The following PIK3C2G variants were observed in gnomAD, a reference collection of about 807,000 sequenced individuals.
PIK3C2G encodes the protein phosphatidylinositol 3-kinase C2 domain-containing subunit gamma.
A neutral mutation model predicts 181.1 loss-of-function variants in PIK3C2G; 168 were observed. That is an observed-to-expected ratio of 0.93 (90% CI 0.82 to 1.05). PIK3C2G has a LOEUF of 1.05. Ranked by LOEUF, PIK3C2G falls within the 50% of genes least tolerant of loss-of-function variation. The probability of loss-of-function intolerance (pLI) is 0.00; values close to 1 mark genes in which losing one functional copy is unlikely to be tolerated. For synonymous variants in PIK3C2G, 573 were observed against 592.2 expected (o/e 0.97, Z 0.47); for missense variants, 1,869 against 1,732.8 (o/e 1.08, Z -1.40).
intron 11 of PIK3C2G, among the ~76,000 whole-genome samples, chr12:18,351,356 T>C (rs1047563087): frequency 4.6e-5 from 7 of 152,168 alleles, no homozygotes; most frequent in Non-Finnish European, 7.3e-5. Flanking sequence ...ATTTCCTCTA[T>C]GCCATTTTGC....
chr12:18,433,674 C>A (rs1003773613), intron 18 of PIK3C2G, among the ~76,000 whole-genome samples: 2 of 152,182 alleles, frequency 1.3e-5, no homozygotes, highest in African/African-American at 4.8e-5. Context: ...AAAACCAAGA[C>A]TTTCTCAGTT....
chr12:18,464,651 C>G (rs1223586344), intron 18 of PIK3C2G, among the ~76,000 whole-genome samples: 2 of 152,070 alleles, frequency 1.3e-5, no homozygotes, highest in African/African-American at 4.8e-5. Flanking sequence ...TACACCCTTA[C>G]AAAAATATAT....
chr12:18,397,604 T>C (rs1392140740), intron 15 of PIK3C2G, among the ~76,000 whole-genome samples: 1 of 152,046 alleles, frequency 6.6e-6, no homozygotes, highest in Non-Finnish European at 1.5e-5. Context: ...ATGGATAACA[T>C]TGTAAAGACA....
chr12:18,376,058 T>A (rs139117705), intron 13 of PIK3C2G, among the ~76,000 whole-genome samples: 19 of 152,284 alleles, frequency 1.2e-4, no homozygotes, highest in Non-Finnish European at 2.5e-4. Flanking sequence ...AGAGAACCTC[T>A]AATAGAAAAG....
chr12:18,445,010 T>G (rs900977647), intron 18 of PIK3C2G, among the ~76,000 whole-genome samples: 3 of 152,034 alleles, frequency 2.0e-5, no homozygotes, highest in Non-Finnish European at 4.4e-5. Flanking sequence ...GAATTTATAG[T>G]TTTTCAAAAA....
chr12:18,640,655 T>G, intron 32 of PIK3C2G, 101 bp downstream of exon 32: 1 of 1,035,398 alleles, frequency 9.7e-7, no homozygotes, highest in Non-Finnish European at 1.4e-6. Context: ...GGCAGCATTA[T>G]TTCATAAAGG....
At chr12:18,503,645 T>C (rs544142265) in intron 23 of PIK3C2G, among the ~76,000 whole-genome samples, 2 of 152,322 alleles carry the variant, frequency 1.3e-5, no homozygotes, top group Admixed American at 6.5e-5. Flanking sequence ...ATAAAGATTT[T>C]TTTTTGCTCA....
chr12:18,401,710 TG>T (rs1944260805), intron 16 of PIK3C2G, among the ~76,000 whole-genome samples: 1 of 152,160 alleles, frequency 6.6e-6, no homozygotes, highest in South Asian at 2.1e-4. Context: ...AGGCTCTGCA[TG>T]GGCATTTCTC....
chr12:18,588,022 A>C (rs2136458182), intron 29 of PIK3C2G, among the ~76,000 whole-genome samples: 1 of 152,238 alleles, frequency 6.6e-6, no homozygotes, highest in Admixed American at 6.6e-5. Flanking sequence ...TATTCAATAC[A>C]TGCTGCTGAG....
the PIK3C2G span, among the ~76,000 whole-genome samples, chr12:18,678,059 TATAA>T: frequency 8.5e-5 from 13 of 152,130 alleles, no homozygotes; most frequent in African/African-American, 1.7e-4. Flanking sequence ...GTGGATTTGC[TATAA>T]ATATTATGCA....
intron 18 of PIK3C2G, among the ~76,000 whole-genome samples, chr12:18,480,330 G>A (rs537330322): frequency 2.0e-5 from 3 of 152,208 alleles, no homozygotes; most frequent in Non-Finnish European, 4.4e-5. Context: ...TTACACTAAA[G>A]CAGTAAGTGT....
intron 1 of PIK3C2G, among the ~76,000 whole-genome samples, chr12:18,278,433 A>G (rs940202002): frequency 2.6e-5 from 4 of 152,140 alleles, no homozygotes; most frequent in Admixed American, 6.6e-5. Context: ...CCTGGGTCCA[A>G]TGAGATAATC....
the PIK3C2G span, among the ~76,000 whole-genome samples, chr12:18,705,552 A>G: frequency 1.3e-5 from 2 of 152,186 alleles, no homozygotes; most frequent in African/African-American, 4.8e-5. Flanking sequence ...TGAAGCATCC[A>G]TCAGTGAGTA....
At chr12:18,698,923 C>T in the PIK3C2G span, among the ~76,000 whole-genome samples, 1 of 152,234 alleles carries the variant, frequency 6.6e-6, no homozygotes, top group Non-Finnish European at 1.5e-5. Flanking sequence ...CCCCCATACC[C>T]CTGCTACTAA....
intron 18 of PIK3C2G, among the ~76,000 whole-genome samples, chr12:18,455,792 C>A (rs755231116): frequency 4.6e-5 from 7 of 152,112 alleles, no homozygotes; most frequent in Non-Finnish European, 8.8e-5. Flanking sequence ...AATCACATCC[C>A]AAAGGCTTCA....
chr12:18,513,538 T>TA (rs1942344771), intron 24 of PIK3C2G, among the ~76,000 whole-genome samples: 4 of 151,804 alleles, frequency 2.6e-5, no homozygotes, highest in African/African-American at 9.7e-5. Flanking sequence ...TGTATGTGTC[T>TA]AGGAATTTAT....
chr12:18,351,173 T>C (rs1303291199), intron 11 of PIK3C2G, among the ~76,000 whole-genome samples: 1 of 152,028 alleles, frequency 6.6e-6, no homozygotes, highest in African/African-American at 2.4e-5. Flanking sequence ...AATTTAAGTA[T>C]GTACTTTTAA....
chr12:18,309,636 T>A (rs568046065), intron 5 of PIK3C2G, among the ~76,000 whole-genome samples: 1 of 151,974 alleles, frequency 6.6e-6, no homozygotes, highest in East Asian at 1.9e-4. Flanking sequence ...GTGCTTTAAC[T>A]GTTTTTCCTA....
intron 20 of PIK3C2G, 140 bp downstream of exon 20, chr12:18,491,698 C>G (rs1048239065): frequency 9.5e-5 from 52 of 549,560 alleles, no homozygotes; most frequent in Admixed American, 1.6e-4. Context: ...AATCCATTTA[C>G]ATTGTGTTTT....
Sources: gnomAD v4.1 joint callset for allele counts (sites outside exome capture counted in the v4.1 genomes callset) on GRCh38, gnomAD v4.1.1 for gene constraint, MANE v1.5 for transcripts, NCBI Gene and HGNC (gene_info 2026-07-23, HGNC 2026-07-21) for gene names.